Variants in RASGRF2 observed in about 807,000 individuals in gnomAD.
RASGRF2 encodes the protein Ras protein specific guanine nucleotide releasing factor 2, also known as ras-specific guanine nucleotide-releasing factor 2.
In RASGRF2, 76 loss-of-function variants were observed where a neutral mutation model predicts 151.0. The ratio of observed to expected loss-of-function variants is 0.50; its 90% CI spans 0.42 to 0.61. RASGRF2 has a LOEUF of 0.61. RASGRF2 is among the 20% of genes least tolerant of loss of function. RASGRF2 has a pLI of 0.00. For missense variants in RASGRF2, 1,148 were observed against 1,564.6 expected (o/e 0.73, Z 4.49); for synonymous variants, 504 against 566.5 (o/e 0.89, Z 1.57).
At chr5:81,005,554 T>C (rs56654359) in intron 1 of RASGRF2, among the ~76,000 whole-genome samples, 4,536 of 152,236 alleles carry the variant, frequency 0.03, 228 homozygotes, top group African/African-American at 0.096. Flanking sequence ...TTATTCATAT[T>C]GTAGCATATT....
chr5:81,108,878 G>C, intron 12 of RASGRF2, 118 bp from the exon 13 acceptor site: 8 of 1,150,894 alleles, frequency 7.0e-6, no homozygotes, highest in Non-Finnish European at 8.1e-6. Flanking sequence ...GTGTGTGTGT[G>C]TGTAAGAGAC....
At chr5:81,121,042 A>T (rs974721829) in intron 15 of RASGRF2, among the ~76,000 whole-genome samples, 4 of 151,920 alleles carry the variant, frequency 2.6e-5, no homozygotes, top group African/African-American at 9.7e-5. Flanking sequence ...ACTGGTCGTG[A>T]ATAGTTTTAG....
intron 12 of RASGRF2, among the ~76,000 whole-genome samples, chr5:81,106,553 C>T (rs549988395): frequency 1.3e-5 from 2 of 152,330 alleles, no homozygotes; most frequent in South Asian, 4.1e-4. Context: ...TCTCTGTCCT[C>T]TCTCTTACTT....
intron 1 of RASGRF2, among the ~76,000 whole-genome samples, chr5:81,014,690 A>C (rs1383806030): frequency 6.6e-6 from 1 of 152,194 alleles, no homozygotes; most frequent in East Asian, 1.9e-4. Flanking sequence ...TTATTAAAAT[A>C]AGGAATGTTC....
intron 1 of RASGRF2, among the ~76,000 whole-genome samples, chr5:80,987,645 C>T (rs373348091): frequency 1.8e-4 from 28 of 152,240 alleles, no homozygotes; most frequent in African/African-American, 6.3e-4. Flanking sequence ...CAGAAGGTTG[C>T]TCTGGAACAC....
At chr5:81,110,043 T>G (rs982702512) in intron 13 of RASGRF2, among the ~76,000 whole-genome samples, 13 of 152,260 alleles carry the variant, frequency 8.5e-5, no homozygotes, top group Admixed American at 7.2e-4. Context: ...TTGCAATCTC[T>G]GTTCCTTCTG....
chr5:80,970,138 C>G (rs377526350), intron 1 of RASGRF2, among the ~76,000 whole-genome samples: 1 of 152,166 alleles, frequency 6.6e-6, no homozygotes, highest in African/African-American at 2.4e-5. Context: ...AGTTTTTCAA[C>G]AGTGAGAATG....
intron 19 of RASGRF2, among the ~76,000 whole-genome samples, chr5:81,205,202 A>C (rs1359555499): frequency 6.6e-6 from 1 of 152,196 alleles, no homozygotes; most frequent in Non-Finnish European, 1.5e-5. Context: ...GGCTGCTACT[A>C]GTATAATCTA....
At chr5:80,972,794 A>G (rs1747982129) in intron 1 of RASGRF2, among the ~76,000 whole-genome samples, 1 of 152,194 alleles carries the variant, frequency 6.6e-6, no homozygotes, top group African/African-American at 2.4e-5. Context: ...TCTGTTTCGA[A>G]GTGCTTGTTC....
intron 17 of RASGRF2, among the ~76,000 whole-genome samples, chr5:81,155,991 AG>A (rs1451949409): frequency 6.6e-6 from 1 of 152,220 alleles, no homozygotes; most frequent in African/African-American, 2.4e-5. Context: ...AGCCTGCAGC[AG>A]AGAGCATGCA....
chr5:81,162,434 G>A (rs528796593), intron 17 of RASGRF2, among the ~76,000 whole-genome samples: 24 of 152,148 alleles, frequency 1.6e-4, no homozygotes, highest in Non-Finnish European at 2.6e-4. Flanking sequence ...TGCAACCTCC[G>A]CCTCCCAGGT....
intron 2 of RASGRF2, among the ~76,000 whole-genome samples, chr5:81,059,561 C>A (rs940844983): frequency 5.3e-5 from 8 of 149,998 alleles, no homozygotes; most frequent in Non-Finnish European, 1.0e-4. Context: ...TAAAGAAATA[C>A]CTGGGCTGGG....
chr5:81,218,297 C>T (rs1232237840), intron 25 of RASGRF2, among the ~76,000 whole-genome samples: 1 of 152,060 alleles, frequency 6.6e-6, no homozygotes, highest in African/African-American at 2.4e-5. Flanking sequence ...AAGGGTTTTT[C>T]CAATGTTATC....
chr5:81,053,968 G>A (rs1344959250), intron 2 of RASGRF2, among the ~76,000 whole-genome samples: 2 of 152,108 alleles, frequency 1.3e-5, no homozygotes. Context: ...CTTGTTGATG[G>A]GGTTGTTTGT....
At chr5:81,193,546 C>T (rs1755195928) in intron 18 of RASGRF2, among the ~76,000 whole-genome samples, 1 of 151,960 alleles carries the variant, frequency 6.6e-6, no homozygotes, top group African/African-American at 2.4e-5. Flanking sequence ...GATGGAGTCT[C>T]ACTCTGTCAC....
At chr5:80,994,088 G>A (rs1260628094) in intron 1 of RASGRF2, among the ~76,000 whole-genome samples, 1 of 152,056 alleles carries the variant, frequency 6.6e-6, no homozygotes, top group African/African-American at 2.4e-5. Flanking sequence ...TGGCTCCAGG[G>A]CCCCCTGCGA....
At chr5:81,221,057 C>T (rs1755847208) in intron 26 of RASGRF2, among the ~76,000 whole-genome samples, 1 of 152,034 alleles carries the variant, frequency 6.6e-6, no homozygotes, top group Non-Finnish European at 1.5e-5. Context: ...AAGGAAGACC[C>T]CAGAGGTGAA....
chr5:81,094,925 C>T lies in RASGRF2; in HGVS notation c.1688C>T (p.Ala563Val). The T allele has an allele frequency of 6.2e-7, 1 of 1,601,562 alleles. No individual in the cohort carries two copies. Among genetic ancestry groups the T allele is most frequent in the East Asian group, 2.3e-5 (1 of 44,066 alleles). The change falls in exon 12 of 27, where the codon GCC (alanine) becomes GTC (valine). Residue 563 changes from alanine (A) to valine (V), a missense_variant. Around this residue, in one of 5 missense-constraint regions of RASGRF2, gnomAD observed 646 missense variants for 807.4 expected, o/e 0.80. Transcript: ENST00000265080. The stretch of plus-strand genomic sequence containing the variant: ...GTGGTGGAGCCTCCTGACGCTGCCG[C>T]CTTCACTGTTGTCTTGTTAGCACCC... ...KIVVEPPDAA[A>V]FTVVLLAPSR...
At chr5:81,026,062 C>A (rs1295827504) in intron 1 of RASGRF2, among the ~76,000 whole-genome samples, 1 of 123,886 alleles carries the variant, frequency 8.1e-6, no homozygotes, top group African/African-American at 3.2e-5. Flanking sequence ...TTCCCTTCTT[C>A]TCCTTCCTCT....
Sources: gnomAD v4.1 joint callset for allele counts (sites outside exome capture counted in the v4.1 genomes callset) on GRCh38, gnomAD v4.1.1 for gene constraint, gnomAD v4.1.1 regional missense constraint, MANE v1.5 for transcripts, NCBI Gene and HGNC (gene_info 2026-07-23, HGNC 2026-07-21) for gene names.